The following ASCC3 variants were observed in gnomAD, a reference collection of about 807,000 sequenced individuals.
ASCC3 encodes ASC-1 complex subunit P200.
In ASCC3, 158 loss-of-function variants were observed where a neutral mutation model predicts 256.3. The observed-to-expected ratio is 0.62, with a 90% CI of 0.54 to 0.70. The LOEUF is 0.70. ASCC3 is among the 30% of genes least tolerant of loss of function. The pLI, the probability that ASCC3 is intolerant of heterozygous loss-of-function variation, is 0.00. For missense variants in ASCC3, 2,259 were observed against 2,626.0 expected (o/e 0.86, Z 3.05); for synonymous variants, 948 against 883.4 (o/e 1.07, Z -1.30).
At chr6:100,546,383 A>T (rs930288709) in intron 36 of ASCC3, among the ~76,000 whole-genome samples, 4 of 152,202 alleles carry the variant, frequency 2.6e-5, no homozygotes, top group African/African-American at 9.6e-5. Flanking sequence ...TCTAAAATTC[A>T]CATGGAAATG....
intron 16 of ASCC3, 152 bp downstream of exon 16, chr6:100,661,654 A>G: frequency 1.3e-6 from 1 of 743,056 alleles, no homozygotes; most frequent in African/African-American, 1.7e-5. Context: ...TTAATCAACA[A>G]TAATGCCATT....
At chr6:100,853,506 C>T (rs1463592652) in intron 3 of ASCC3, among the ~76,000 whole-genome samples, 1 of 149,366 alleles carries the variant, frequency 6.7e-6, no homozygotes, top group African/African-American at 2.5e-5. Context: ...GCTCTGTCAC[C>T]CAGACTGGAG....
At chr6:100,579,446 G>A (rs1771074387) in intron 36 of ASCC3, among the ~76,000 whole-genome samples, 1 of 151,968 alleles carries the variant, frequency 6.6e-6, no homozygotes, top group African/African-American at 2.4e-5. Flanking sequence ...GTATTTCCTG[G>A]GTTATCTTCC....
In ASCC3 at chr6:100,655,714, A is replaced by G; in HGVS notation, c.2808T>C (p.Ser936=). The G allele has an allele frequency of 6.2e-7, 1 of 1,611,092 alleles. No individual in the cohort carries two copies. Among genetic ancestry groups the G allele is most frequent in the Non-Finnish European group, 8.5e-7 (1 of 1,178,944 alleles). The change falls in exon 17 of 42, where the codon AGT becomes AGC. Residue 936 remains serine, a synonymous_variant. Transcript: ENST00000369162. ...AGTTTTCTACCTGATAAGCCTTGTGACTGATGCCATATGCTAATGGATTTG... is the reference window on the plus strand; with the variant it reads ...AGTTTTCTACCTGATAAGCCTTGTGGCTGATGCCATATGCTAATGGATTTG... ...MRANPLAYGI[S]HKAYQIDPTL...
At chr6:100,745,267 C>T (rs1452867409) in intron 10 of ASCC3, among the ~76,000 whole-genome samples, 1 of 151,878 alleles carries the variant, frequency 6.6e-6, no homozygotes, top group Non-Finnish European at 1.5e-5. Flanking sequence ...GCAGAGGTTG[C>T]AGTGAGCCGA....
intron 8 of ASCC3, among the ~76,000 whole-genome samples, chr6:100,791,168 T>C (rs901226676): frequency 2.0e-5 from 3 of 151,852 alleles, no homozygotes; most frequent in African/African-American, 4.8e-5. Context: ...TAAGCATCTA[T>C]TGATAGCCCA....
intron 1 of ASCC3, among the ~76,000 whole-genome samples, chr6:100,876,450 T>C (rs1774007084): frequency 6.6e-6 from 1 of 152,184 alleles, no homozygotes; most frequent in Admixed American, 6.5e-5. Flanking sequence ...AAGGTTGGTG[T>C]GAACCAGGGT....
intron 37 of ASCC3, among the ~76,000 whole-genome samples, chr6:100,524,827 C>T (rs1774486782): frequency 6.6e-6 from 1 of 151,928 alleles, no homozygotes; most frequent in African/African-American, 2.4e-5. Context: ...ACCTTTCCTC[C>T]TTTTTCCCAT....
In ASCC3 at chr6:100,798,707, T is replaced by C; in HGVS notation, c.1395+6A>G. ...AACTATCAACTCTATAAAAGGCTCA[T>C]CTCACCTCATCTAAGTCTTGGATAT... On this transcript the variant is annotated splice_donor_region_variant and intron_variant, in intron 8 of 41. Coordinates refer to ENST00000369162, the MANE Select transcript of ASCC3 (RefSeq NM_006828.4). 6.2e-7 allele frequency: 1 copy of C among 1,612,192 alleles called. No individual in the cohort carries two copies. The highest frequency in any genetic ancestry group is 8.5e-7 in the Non-Finnish European group (1 of 1,179,340).
chr6:100,717,793 T>A (rs1411666893), intron 12 of ASCC3, among the ~76,000 whole-genome samples: 1 of 152,112 alleles, frequency 6.6e-6, no homozygotes, highest in Non-Finnish European at 1.5e-5. Flanking sequence ...AACGTAAAAC[T>A]TTTAATAGCT....
intron 10 of ASCC3, among the ~76,000 whole-genome samples, chr6:100,754,959 C>T (rs1310088991): frequency 1.3e-5 from 2 of 152,108 alleles, no homozygotes; most frequent in Non-Finnish European, 1.5e-5. Context: ...TCCATCGTGA[C>T]TGTGAGGCCT....
intron 3 of ASCC3, chr6:100,858,124 G>A (rs950165274): frequency 1.8e-5 from 7 of 388,830 alleles, no homozygotes; most frequent in Non-Finnish European, 2.4e-5. Context: ...TTTTGTAAAC[G>A]TAAAATAAAT....
At chr6:100,692,466 C>T (rs745901293) in intron 13 of ASCC3, among the ~76,000 whole-genome samples, 1 of 151,824 alleles carries the variant, frequency 6.6e-6, no homozygotes, top group Non-Finnish European at 1.5e-5. Context: ...TGAACATCAA[C>T]TCCAGTTAGA....
At chr6:100,648,338 A>G (rs968019240) in intron 20 of ASCC3, among the ~76,000 whole-genome samples, 1 of 152,120 alleles carries the variant, frequency 6.6e-6, no homozygotes, top group East Asian at 1.9e-4. Flanking sequence ...AAATGAACTT[A>G]TACCTTCCAA....
intron 11 of ASCC3, among the ~76,000 whole-genome samples, chr6:100,719,121 T>C (rs1433423555): frequency 6.6e-6 from 1 of 151,510 alleles, no homozygotes; most frequent in Admixed American, 6.6e-5. Context: ...GAATAAGACA[T>C]AGATCCACAC....
chr6:100,874,662 G>C (rs1773912829), intron 1 of ASCC3, among the ~76,000 whole-genome samples: 1 of 151,936 alleles, frequency 6.6e-6, no homozygotes, highest in African/African-American at 2.4e-5. Context: ...ATTAAAAAAA[G>C]AAAAACATTT....
intron 13 of ASCC3, among the ~76,000 whole-genome samples, chr6:100,702,221 G>A (rs1041616934): frequency 7.2e-5 from 11 of 151,986 alleles, no homozygotes; most frequent in Non-Finnish European, 7.4e-5. Context: ...AGGAGGGAAT[G>A]GAGAGAAATG....
At chr6:100,607,264 G>A (rs1212236900) in intron 30 of ASCC3, among the ~76,000 whole-genome samples, 176 bp from the exon 31 acceptor site, 2 of 151,938 alleles carry the variant, frequency 1.3e-5, no homozygotes, top group South Asian at 2.1e-4. Flanking sequence ...TCTACTTGGT[G>A]AGAATATATA....
At chr6:100,525,156 C>CAAAAAAAAAAAAAAAAAAAAAAAAAAAAA (rs57882047) in intron 37 of ASCC3, among the ~76,000 whole-genome samples, 4 of 44,950 alleles carry the variant, frequency 8.9e-5, no homozygotes, top group Admixed American at 4.2e-4. Flanking sequence ...GACCCTGTCT[C>CAAAAAAAAAAAAAAAAAAAAAAAAAAAAA]AAAAAAAAAA....
Sources: allele counts gnomAD v4.1 joint callset (sites outside exome capture counted in the v4.1 genomes callset), GRCh38; gene constraint gnomAD v4.1.1; transcripts MANE v1.5; gene names NCBI Gene and HGNC (gene_info 2026-07-23, HGNC 2026-07-21).